The following RIPK4 variants were observed in gnomAD, a reference collection of about 807,000 sequenced individuals.
RIPK4 encodes receptor interacting serine/threonine kinase 4, also known as receptor-interacting serine/threonine-protein kinase 4.
In RIPK4, 17 loss-of-function variants were observed where a neutral mutation model predicts 42.9. The observed-to-expected ratio is 0.40, with a 90% CI of 0.27 to 0.59. The LOEUF is 0.59. RIPK4 is among the 20% of genes least tolerant of loss of function. The pLI, the probability that RIPK4 is intolerant of heterozygous loss-of-function variation, is 0.47. For synonymous variants in RIPK4, 498 were observed against 499.1 expected, an observed-to-expected ratio of 1.00 and a Z score of 0.03; for missense variants, 897 against 1,104.4, an observed-to-expected ratio of 0.81 and a Z score of 2.66.
At position 41,766,889 on chromosome 21, in the gene RIPK4, C is replaced by T. The variant is rs1426414129; in HGVS notation, c.153G>A (p.Lys51=). Residue 51 remains lysine (K), a synonymous_variant, in exon 1 of 8, where the codon AAG becomes AAA. Transcript: ENST00000332512. ...HVHWKTWLAI[K]CSPSLHVDDR... Reference sequence around the variant, plus strand: ...CGTCGACGTGCAGGCTGGGCGAGCACTTGATGGCCAGCCAGGTCTTCCAGT... The same window carrying T: ...CGTCGACGTGCAGGCTGGGCGAGCATTTGATGGCCAGCCAGGTCTTCCAGT... 1.9e-6 allele frequency: 3 copies of T among 1,610,550 alleles called. No homozygotes were observed. Among genetic ancestry groups the T allele is most frequent in the Non-Finnish European group, 2.5e-6 (3 of 1,178,844 alleles).
In RIPK4 at chr21:41,743,926, C is replaced by T. The variant is rs1291355263; in HGVS notation, c.1151G>A (p.Arg384Lys). 2 of 1,612,540 alleles carry T rather than the reference C, an allele frequency of 1.2e-6. No individual in the cohort carries two copies. Among genetic ancestry groups the T allele is most frequent in the Non-Finnish European group, 1.7e-6 (2 of 1,179,594 alleles). ...VSSVDSAFSS[R>K]GSLSLSFERE... ...CTCAAAGGACAGCGACAGTGATCCTCTGGAAGAGAAGGCGGAGTCCACCGA... is the reference window on the plus strand; with the variant it reads ...CTCAAAGGACAGCGACAGTGATCCTTTGGAAGAGAAGGCGGAGTCCACCGA... Residue 384 changes from arginine to lysine, a missense_variant, in exon 7 of 8, where the codon AGA becomes AAA. Physicochemically the swap from Arg to Lys is conservative, Grantham distance 26 (BLOSUM62 2). Coordinates refer to ENST00000332512, the MANE Select transcript of RIPK4 (RefSeq NM_020639.3).
intron 1 of RIPK4, among the ~76,000 whole-genome samples, chr21:41,761,551 C>G (rs1432349980): frequency 6.6e-6 from 1 of 152,162 alleles, no homozygotes; most frequent in African/African-American, 2.4e-5. Flanking sequence ...GGACTCAGAC[C>G]CACATCCACT....
At chr21:41,766,017 G>A (rs980298522) in intron 1 of RIPK4, among the ~76,000 whole-genome samples, 1 of 152,274 alleles carries the variant, frequency 6.6e-6, no homozygotes, top group African/African-American at 2.4e-5. Context: ...ACTCCTGCTA[G>A]GTAGGTACAG....
Position 41,741,537 on chromosome 21 carries a change from G to A in RIPK4, c.1656C>T (p.Ile552=), listed in dbSNP as rs752949365. 8 of 1,612,222 alleles carry A rather than the reference G, an allele frequency of 5.0e-6. No homozygotes were observed. Among genetic ancestry groups the A allele is most frequent in the African/African-American group, 4.0e-5 (3 of 74,930 alleles). The change falls in exon 8 of 8, where the codon ATC becomes ATT. Residue 552 remains isoleucine, a synonymous_variant. Transcript: ENST00000332512. ...CGCCTCGGCGCAGCAGGATGCGCAC[G>A]ATATTCTCCTGCCCGTGCTGGCAGG... The part of the protein sequence containing the change: ...HVACQHGQEN[I]VRILLRRGVD...
chr21:41,744,827 G>C (rs936526045), intron 6 of RIPK4, among the ~76,000 whole-genome samples: 1 of 152,230 alleles, frequency 6.6e-6, no homozygotes, highest in South Asian at 2.1e-4. Flanking sequence ...CGGCTACAGG[G>C]ACGAGGGGTG....
rs1032271706 is a variant in RIPK4, at chr21:41,766,714, G to A, written c.182+146C>T. The A allele has an allele frequency of 3.6e-5, 31 of 849,926 alleles. No individual in the cohort carries two copies. In the African/African-American group the frequency reaches 4.3e-4, roughly 12 times the overall value. 52.6% of individuals were successfully genotyped at this position (849,926 alleles called of 1,614,324 possible). ...GCCGAGTGGACATTGTCGGAGCCCC[G>A]CGGCCTCGCCGGCAATTGGTTTCCC... On this transcript the variant is annotated intron_variant, in intron 1 of 7. Coordinates refer to ENST00000332512, the MANE Select transcript of RIPK4 (RefSeq NM_020639.3).
rs140764715 is a variant in RIPK4, at chr21:41,744,897, G to A, written c.937-757C>T. Among the ~76,000 whole-genome samples the A allele has an allele frequency of 1.7e-3, 263 of 152,304 alleles. 1 individual carries two copies. The highest frequency in any genetic ancestry group is 6.1e-3 in the African/African-American group (254 of 41,556). ...AGAGTCTCGCTTCATGGACTGCAGG[G>A]GCAGCAGGTTTCTGGTGGGTAAGTG... On this transcript the variant is annotated intron_variant, in intron 6 of 7. Coordinates refer to ENST00000332512, the MANE Select transcript of RIPK4 (RefSeq NM_020639.3).
chr21:41,742,116 T>C lies in RIPK4; in HGVS notation c.1196-119A>G. On this transcript the variant is annotated intron_variant, in intron 7 of 7. Coordinates refer to ENST00000332512, the MANE Select transcript of RIPK4 (RefSeq NM_020639.3). The surrounding 1 kb of genome is among the most constrained non-coding windows in gnomAD (Gnocchi z 5.1). ...GTGCCATGGCCTCCAGGCTGCTCGCTGGTCACCCGACTGTGTTTGAGCGTT... is the reference window on the plus strand; with the variant it reads ...GTGCCATGGCCTCCAGGCTGCTCGCCGGTCACCCGACTGTGTTTGAGCGTT... 1 of 870,930 alleles carries C rather than the reference T, an allele frequency of 1.1e-6. No individual in the cohort carries two copies. The highest frequency in any genetic ancestry group is 1.8e-6 in the Non-Finnish European group (1 of 559,950). 54.0% of individuals were successfully genotyped at this position (870,930 alleles called of 1,614,324 possible). A position where few individuals can be genotyped will look rare whatever the true frequency, so the allele number is the denominator to read the frequency against.
chr21:41,757,816 T>C (rs2061208389), intron 1 of RIPK4, among the ~76,000 whole-genome samples: 1 of 151,066 alleles, frequency 6.6e-6, no homozygotes, highest in South Asian at 2.1e-4. Flanking sequence ...CTGATCAACA[T>C]GGTGAAACCC....
At chr21:41,763,641 A>G (rs2061227576) in intron 1 of RIPK4, among the ~76,000 whole-genome samples, 1 of 152,248 alleles carries the variant, frequency 6.6e-6, no homozygotes, top group Admixed American at 6.5e-5. Flanking sequence ...GATGCCTCTC[A>G]GCGAGGCCTT....
rs748634815 is a variant in RIPK4 at position 41,742,035 on chromosome 21, G to A, written c.1196-38C>T. The A allele has an allele frequency of 3.3e-6, 5 of 1,524,752 alleles. No homozygotes were observed. Among genetic ancestry groups the A allele is most frequent in the African/African-American group, 1.4e-5 (1 of 72,458 alleles). The allele number at this position is 1,524,752 out of a possible 1,614,324, so 94.5% of individuals were successfully genotyped here. A position where few individuals can be genotyped will look rare whatever the true frequency, so the allele number is the denominator to read the frequency against. ...GAGAGGCAAAGGTCAGAGCGTGGCT[G>A]CACATCCAGGGACGTGGCGTCTCTG... On this transcript the variant is annotated intron_variant, in intron 7 of 7. Transcript: ENST00000332512. This position sits in a 1 kb window ranked among gnomAD's most constrained non-coding sequence, Gnocchi z 5.1.
At chr21:41,763,885 G>A (rs954435967) in intron 1 of RIPK4, among the ~76,000 whole-genome samples, 7 of 152,128 alleles carry the variant, frequency 4.6e-5, no homozygotes, top group Admixed American at 1.3e-4. Context: ...GGCTGGTAGG[G>A]GAGGAACGGG....
At chr21:41,753,207 G>A (rs1018352440) in intron 2 of RIPK4, among the ~76,000 whole-genome samples, 22 of 151,680 alleles carry the variant, frequency 1.5e-4, no homozygotes, top group South Asian at 2.1e-4. Context: ...TTCATAAAAG[G>A]AGGCAATAGC....
intron 2 of RIPK4, among the ~76,000 whole-genome samples, chr21:41,752,281 G>A (rs2146053427): frequency 6.6e-6 from 1 of 152,290 alleles, no homozygotes; most frequent in Admixed American, 6.5e-5. Context: ...CCCATGGAGT[G>A]ACAGGAAATG....
In RIPK4 at chr21:41,742,342, T is replaced by C. The variant is rs1237357081; in HGVS notation, c.1196-345A>G. Among the ~76,000 whole-genome samples, 1 of 152,124 alleles carries C rather than the reference T, an allele frequency of 6.6e-6. No homozygotes were observed. The highest frequency in any genetic ancestry group is 1.5e-5 in the Non-Finnish European group (1 of 68,010). Reference sequence around the variant, plus strand: ...AGAAAGAAGGAAAAAGGGCACAGACTAAAAAGACCAGGCCAGAGCTCCCAT... The same window carrying C: ...AGAAAGAAGGAAAAAGGGCACAGACCAAAAAGACCAGGCCAGAGCTCCCAT... On this transcript the variant is annotated intron_variant, in intron 7 of 7. Transcript: ENST00000332512. This position sits in a 1 kb window ranked among gnomAD's most constrained non-coding sequence, Gnocchi z 5.1.
intron 7 of RIPK4, 113 bp downstream of exon 7, chr21:41,743,768 AT>A: frequency 7.4e-7 from 1 of 1,343,630 alleles, no homozygotes. Flanking sequence ...ACAAAGAAGA[AT>A]TCTTGCTGGG....
At position 41,766,859 on chromosome 21, in the gene RIPK4, C is replaced by A. The variant is rs1291683562; in HGVS notation, c.182+1G>T. ...CCCAGCGCCCCGCCCGGGCCGCTCA[C>A]CTGTCGTCGACGTGCAGGCTGGGCG... On this transcript the variant is annotated splice_donor_variant, in intron 1 of 7. Coordinates refer to ENST00000332512, the MANE Select transcript of RIPK4 (RefSeq NM_020639.3). LOFTEE classifies it high-confidence loss of function. The A allele has an allele frequency of 6.2e-7, 1 of 1,607,350 alleles. No individual in the cohort carries two copies.
chr21:41,758,092 GACATA>G (rs1210380626), intron 1 of RIPK4, among the ~76,000 whole-genome samples: 3 of 123,378 alleles, frequency 2.4e-5, no homozygotes, highest in African/African-American at 9.6e-5. Flanking sequence ...TAGTCAAATA[GACATA>G]ACATAGTATT....
intron 7 of RIPK4, 35 bp downstream of exon 7, chr21:41,743,847 A>G: frequency 6.5e-7 from 1 of 1,547,066 alleles, no homozygotes; most frequent in Non-Finnish European, 8.7e-7. Context: ...CGCCAAGCCC[A>G]GCATCTCTCG....
Sources: allele counts gnomAD v4.1 joint callset (sites outside exome capture counted in the v4.1 genomes callset), GRCh38; gene constraint gnomAD v4.1.1; non-coding constraint Gnocchi (gnomAD v3.1); transcripts MANE v1.5; gene names NCBI Gene and HGNC (gene_info 2026-07-23, HGNC 2026-07-21).